RYR3: variants seen among roughly 807,000 people sequenced by gnomAD.
The protein encoded by RYR3 is brain ryanodine receptor-calcium release channel.
Under a neutral mutation model 584.3 loss-of-function variants are expected in RYR3, and 207 were observed. The observed-to-expected ratio is 0.35, with a 90% confidence interval of 0.32 to 0.40. RYR3 has a LOEUF of 0.40. Ranked by LOEUF, RYR3 falls within the 10% of genes least tolerant of loss-of-function variation. The pLI is 1.00. For synonymous variants in RYR3, 2,416 were observed against 2,248.5 expected, an observed-to-expected ratio of 1.07 and a Z score of -2.11; for missense variants, 5,616 against 6,089.2, an observed-to-expected ratio of 0.92 and a Z score of 2.59.
chr15:33,364,652 C>G (rs1367505405), intron 1 of RYR3, among the ~76,000 whole-genome samples: 1 of 152,136 alleles, frequency 6.6e-6, no homozygotes, highest in East Asian at 1.9e-4. Context: ...AAGTCATCTC[C>G]TAAGATATAG....
intron 75 of RYR3, among the ~76,000 whole-genome samples, chr15:33,817,671 T>C (rs956131411): frequency 1.3e-5 from 2 of 152,202 alleles, no homozygotes; most frequent in African/African-American, 4.8e-5. Flanking sequence ...TCTTTCCTTC[T>C]TTTTTAAAGC....
At chr15:33,548,269 T>A in intron 9 of RYR3, 65 bp downstream of exon 9, 1 of 972,446 alleles carries the variant, frequency 1.0e-6, no homozygotes, top group South Asian at 1.5e-5. Flanking sequence ...GCCGTTCTCT[T>A]AAATATTTCA....
rs1205713792 is a variant in RYR3 at position 33,580,100 on chromosome 15, A to G, written c.1393A>G (p.Lys465Glu). 3 of 1,613,164 alleles carry G rather than the reference A, an allele frequency of 1.9e-6. No individual in the cohort carries two copies. Among genetic ancestry groups the G allele is most frequent in the Non-Finnish European group, 2.5e-6 (3 of 1,179,538 alleles). Residue 465 changes from lysine to glutamate, a missense_variant, in exon 13 of 104, where the codon AAG (lysine) becomes GAG (glutamate). Physicochemically the swap from Lys to Glu is moderately conservative, Grantham distance 56. This residue lies in a region of RYR3 where 1,284 missense variants were observed against 1,344.6 expected (regional missense o/e 0.95). Transcript: ENST00000634891. ...EEMRHEDKQN[K>E]LRSLKNRQNL... ...GATGCGACATGAAGACAAGCAGAAC[A>G]AGCTCCGCTCACTCAAAAACAGACA...
chr15:33,435,625 C>T (rs988578969), intron 1 of RYR3, among the ~76,000 whole-genome samples: 2 of 152,186 alleles, frequency 1.3e-5, no homozygotes, highest in African/African-American at 2.4e-5. Context: ...CTCATGGGTT[C>T]TTGCTCTTGC....
chr15:33,685,893 A>T (rs564913538), intron 38 of RYR3, among the ~76,000 whole-genome samples: 4 of 152,256 alleles, frequency 2.6e-5, no homozygotes, highest in Admixed American at 2.0e-4. Context: ...TTTGAAACCA[A>T]TGAGAACAAA....
chr15:33,839,483 G>C (rs1042112439), intron 89 of RYR3, among the ~76,000 whole-genome samples: 3 of 152,178 alleles, frequency 2.0e-5, no homozygotes, highest in African/African-American at 7.2e-5. Flanking sequence ...GAACAAGATA[G>C]CAGGAATTCA....
In RYR3 at chr15:33,811,047, C is replaced by G. The variant is rs775823711; in HGVS notation, c.10257+10C>G. ...GCACTTGCAGGAAAAGGTGATGACT[C>G]AGGACAGCAGTGAGAACTCACACCG... On this transcript the variant is annotated intron_variant, in intron 72 of 103. Transcript: ENST00000634891. 2.2e-5 allele frequency: 36 copies of G among 1,603,816 alleles called. No individual in the cohort carries two copies. Among genetic ancestry groups the G allele is most frequent in the Non-Finnish European group, 3.1e-5 (36 of 1,175,078 alleles).
chr15:33,862,588 G>A (rs1567363093), intron 102 of RYR3, among the ~76,000 whole-genome samples: 1 of 152,114 alleles, frequency 6.6e-6, no homozygotes, highest in East Asian at 1.9e-4. Flanking sequence ...GTTTTTGCTG[G>A]GGGATGAGTT....
At chr15:33,631,923 C>A (rs2061286366) in intron 23 of RYR3, among the ~76,000 whole-genome samples, 1 of 152,284 alleles carries the variant, frequency 6.6e-6, no homozygotes, top group African/African-American at 2.4e-5. Context: ...CGTTTATCTT[C>A]CCCCTTCTTT....
chr15:33,621,601 G>A (rs998709930), intron 19 of RYR3, among the ~76,000 whole-genome samples: 1 of 152,062 alleles, frequency 6.6e-6, no homozygotes, highest in Admixed American at 6.5e-5. Context: ...CTTAATGTAG[G>A]CGCATTCACA....
At chr15:33,498,429 T>TGATATGAGCATTTTTCAA in intron 2 of RYR3, among the ~76,000 whole-genome samples, 1 of 152,314 alleles carries the variant, frequency 6.6e-6, no homozygotes, top group African/African-American at 2.4e-5. Flanking sequence ...CCCTGATTAG[T>TGATATGAGCATTTTTCAA]GATATGAGCA....
chr15:33,563,618 A>G (rs4503763), intron 11 of RYR3, among the ~76,000 whole-genome samples: 99,799 of 152,016 alleles, frequency 0.66, 33,729 homozygotes, highest in Middle Eastern at 0.76. Context: ...TGGATGTCAA[A>G]GATGTGATGC....
intron 83 of RYR3, 47 bp from the exon 84 acceptor site, chr15:33,826,625 C>G: frequency 1.4e-6 from 2 of 1,433,062 alleles, no homozygotes; most frequent in Non-Finnish European, 2.0e-6. Flanking sequence ...AAAGTATTCT[C>G]TGGTGAGAAG....
intron 66 of RYR3, 121 bp from the exon 67 acceptor site, chr15:33,788,097 A>G (rs2074854022): frequency 8.1e-7 from 1 of 1,233,694 alleles, no homozygotes; most frequent in Non-Finnish European, 1.2e-6. Flanking sequence ...GAGGAAGGGA[A>G]CAAGGGGCAG....
At chr15:33,536,184 C>T (rs1228177385) in intron 5 of RYR3, among the ~76,000 whole-genome samples, 5 of 152,172 alleles carry the variant, frequency 3.3e-5, no homozygotes, top group African/African-American at 1.2e-4. Context: ...GAAACCCCTT[C>T]AGAGTTGTAA....
At chr15:33,426,795 C>A (rs1343314790) in intron 1 of RYR3, among the ~76,000 whole-genome samples, 1 of 152,146 alleles carries the variant, frequency 6.6e-6, no homozygotes, top group Non-Finnish European at 1.5e-5. Context: ...ATTTATATCT[C>A]TCAGTTCTGG....
At chr15:33,570,415 G>A (rs760145753) in intron 12 of RYR3, among the ~76,000 whole-genome samples, 1 of 152,078 alleles carries the variant, frequency 6.6e-6, no homozygotes, top group African/African-American at 2.4e-5. Flanking sequence ...CTTTCTGGAC[G>A]CTTAGTTCTG....
At chr15:33,769,363 A>G (rs934260685) in intron 62 of RYR3, among the ~76,000 whole-genome samples, 191 bp downstream of exon 62, 1 of 152,250 alleles carries the variant, frequency 6.6e-6, no homozygotes, top group Non-Finnish European at 1.5e-5. Flanking sequence ...CTGCCATGGC[A>G]TAGACGGAAT....
chr15:33,506,278 G>A (rs1340206162), intron 3 of RYR3, among the ~76,000 whole-genome samples: 1 of 152,072 alleles, frequency 6.6e-6, no homozygotes, highest in Non-Finnish European at 1.5e-5. Context: ...GCAGAAGTTT[G>A]TTTAATATAA....
Sources: gnomAD v4.1 joint callset for allele counts (sites outside exome capture counted in the v4.1 genomes callset) on GRCh38, gnomAD v4.1.1 for gene constraint, gnomAD v4.1.1 regional missense constraint, MANE v1.5 for transcripts, NCBI Gene and HGNC (gene_info 2026-07-23, HGNC 2026-07-21) for gene names.